Variants in ANKHD1 observed in about 807,000 individuals in gnomAD.
The protein encoded by ANKHD1 is ankyrin repeat and KH domain-containing protein 1.
A neutral mutation model predicts 230.5 loss-of-function variants in ANKHD1; 31 were observed. That is an observed-to-expected ratio of 0.13 (90% CI 0.10 to 0.18). The LOEUF is 0.18. ANKHD1 is among the 10% of genes least tolerant of loss of function. ANKHD1 has a pLI of 1.00. For synonymous variants in ANKHD1, 1,074 were observed against 1,117.6 expected (o/e 0.96, Z 0.78); for missense variants, 2,256 against 3,071.3 (o/e 0.73, Z 6.27).
In ANKHD1 at chr5:140,529,380, C is replaced by T. The variant is rs763227870; in HGVS notation, c.6434C>T (p.Ser2145Phe). 1 of 1,614,202 alleles carries T rather than the reference C, an allele frequency of 6.2e-7. No individual in the cohort carries two copies. ...ATGCAGCCCAGAGGTTCTTTTTACT[C>T]CATGGTACCAAATGCAACTATTCAC... ...HRMQPRGSFY[S>F]MVPNATIHQD... is the part of the protein sequence containing the mutation. Residue 2145 changes from serine (S) to phenylalanine (F), a missense_variant, in exon 29 of 34, where the codon TCC becomes TTC. Ser to Phe is a radical substitution (Grantham distance 155). This residue lies in a region of ANKHD1 where 778 missense variants were observed against 966.5 expected (regional missense o/e 0.80). Coordinates refer to ENST00000360839, the MANE Select transcript of ANKHD1 (RefSeq NM_017747.3).
At chr5:140,520,992 C>G (rs1457913330) in intron 24 of ANKHD1, among the ~76,000 whole-genome samples, 2 of 147,854 alleles carry the variant, frequency 1.4e-5, no homozygotes, top group South Asian at 2.1e-4. Context: ...AAAATTAAAA[C>G]AAACAAACTA....
At chr5:140,419,272 A>G (rs1189645775) in intron 1 of ANKHD1, among the ~76,000 whole-genome samples, 2 of 151,516 alleles carry the variant, frequency 1.3e-5, no homozygotes, top group East Asian at 3.9e-4. Context: ...TATATCTTTG[A>G]AGAAATATCT....
rs558231031 is a variant in ANKHD1 at position 140,539,377 on chromosome 5, G to A, written c.7588G>A (p.Ala2530Thr). 1.2e-6 allele frequency: 2 copies of A among 1,613,778 alleles called. No individual in the cohort carries two copies. Among genetic ancestry groups the A allele is most frequent in the Middle Eastern group, 3.3e-4 (2 of 6,062 alleles). The change falls in exon 34 of 34, where the codon GCA (alanine) becomes ACA (threonine). Residue 2530 changes from alanine to threonine, a missense_variant. Physicochemically the swap from Ala to Thr is moderately conservative, Grantham distance 58. Around this residue, in one of 13 missense-constraint regions of ANKHD1, gnomAD observed 778 missense variants for 966.5 expected, o/e 0.80. Transcript: ENST00000360839. ...DAQQIWPGTW[A>T]PHIGNMHLKY... is the part of the protein sequence containing the mutation. The stretch of plus-strand genomic sequence containing the variant: ...TTTTCAGATTTGGCCTGGCACGTGG[G>A]CACCTCATATTGGAAACATGCATCT...
intron 7 of ANKHD1, among the ~76,000 whole-genome samples, chr5:140,451,733 T>A (rs1164501132): frequency 6.6e-6 from 1 of 152,134 alleles, no homozygotes; most frequent in Non-Finnish European, 1.5e-5. Flanking sequence ...GTCTCAAACA[T>A]CTGGGCTCAA....
chr5:140,412,202 A>C (rs1200252774), intron 1 of ANKHD1, among the ~76,000 whole-genome samples: 2 of 150,954 alleles, frequency 1.3e-5, no homozygotes, highest in African/African-American at 4.9e-5. Flanking sequence ...ATGCCCCGCT[A>C]ATTTGTTGTA....
At chr5:140,512,096 C>G (rs992482666) in intron 22 of ANKHD1, among the ~76,000 whole-genome samples, 2 of 151,948 alleles carry the variant, frequency 1.3e-5, no homozygotes, top group Non-Finnish European at 2.9e-5. Context: ...ATTAGCCAGG[C>G]GTGATGGTAG....
intron 1 of ANKHD1, among the ~76,000 whole-genome samples, chr5:140,412,907 G>A (rs1771055961): frequency 6.6e-6 from 1 of 152,158 alleles, no homozygotes; most frequent in Non-Finnish European, 1.5e-5. Context: ...ATTTGTGGAA[G>A]AGCACATTTT....
chr5:140,403,195 C>T (rs2126828272), intron 1 of ANKHD1, among the ~76,000 whole-genome samples: 1 of 152,004 alleles, frequency 6.6e-6, no homozygotes, highest in African/African-American at 2.4e-5. Context: ...TCTCGAACTC[C>T]TGACCTCAGG....
At chr5:140,420,335 A>G (rs1367504829) in intron 1 of ANKHD1, among the ~76,000 whole-genome samples, 1 of 151,900 alleles carries the variant, frequency 6.6e-6, no homozygotes, top group African/African-American at 2.4e-5. Context: ...AATTTTGATG[A>G]CGCCCAATTT....
intron 1 of ANKHD1, among the ~76,000 whole-genome samples, chr5:140,421,592 T>A (rs1245831944): frequency 3.3e-5 from 5 of 152,272 alleles, no homozygotes; most frequent in Non-Finnish European, 7.4e-5. Flanking sequence ...TGAGCCACCG[T>A]GCCCGGCCGA....
chr5:140,526,083 T>G lies in ANKHD1; in HGVS notation c.4580T>G (p.Val1527Gly). The G allele has an allele frequency of 6.2e-7, 1 of 1,613,538 alleles. No individual in the cohort carries two copies. Among genetic ancestry groups the G allele is most frequent in the Non-Finnish European group, 8.5e-7 (1 of 1,179,892 alleles). The change falls in exon 26 of 34, where the codon GTG becomes GGG. Residue 1527 changes from valine (V) to glycine (G), a missense_variant. Val to Gly is a moderately radical substitution (Grantham distance 109). Coordinates refer to ENST00000360839, the MANE Select transcript of ANKHD1 (RefSeq NM_017747.3). Reference sequence around the variant, plus strand: ...GCAACATCTGCAACATTCACAAATGTGTTTGGGAAAAAAAGGGCCAATGTG... The same window carrying G: ...GCAACATCTGCAACATTCACAAATGGGTTTGGGAAAAAAAGGGCCAATGTG... Reference protein sequence around the residue: ...ISATSATFTNVFGKKRANVVT... With the variant: ...ISATSATFTNGFGKKRANVVT...
chr5:140,482,095 A>G (rs1327591868), intron 10 of ANKHD1, among the ~76,000 whole-genome samples: 1 of 151,984 alleles, frequency 6.6e-6, no homozygotes, highest in Non-Finnish European at 1.5e-5. Flanking sequence ...AAAACTACCC[A>G]TTGGTATATT....
intron 9 of ANKHD1, among the ~76,000 whole-genome samples, chr5:140,460,643 C>T (rs1403462442): frequency 6.6e-6 from 1 of 152,132 alleles, no homozygotes; most frequent in Non-Finnish European, 1.5e-5. Context: ...GCCTCAGCCT[C>T]CCAGGTAGCT....
chr5:140,427,958 A>T (rs1772669010), intron 1 of ANKHD1, among the ~76,000 whole-genome samples: 1 of 141,084 alleles, frequency 7.1e-6, no homozygotes, highest in Admixed American at 7.0e-5. Flanking sequence ...CACTTCTCAG[A>T]CGGGGCGGCC....
chr5:140,444,319 T>C (rs986510665), intron 5 of ANKHD1, among the ~76,000 whole-genome samples: 5 of 152,168 alleles, frequency 3.3e-5, no homozygotes, highest in African/African-American at 4.8e-5. Context: ...CATCATCTTC[T>C]CACCAATAAT....
chr5:140,504,863 A>C lies in ANKHD1; in HGVS notation c.3047A>C (p.Gln1016Pro). 6.2e-7 allele frequency: 1 copy of C among 1,614,124 alleles called. No homozygotes were observed. Among genetic ancestry groups the C allele is most frequent in the Non-Finnish European group, 8.5e-7 (1 of 1,180,016 alleles). ...CCCACTGGTTCCAACAGTTCTTCTC[A>C]GACCACAGAGTGTCTTACACCTGAA... ...RVPTGSNSSS[Q>P]TTECLTPESC... Residue 1016 changes from glutamine (Q) to proline (P), a missense_variant, in exon 16 of 34, where the codon CAG (glutamine) becomes CCG (proline). Transcript: ENST00000360839.
In ANKHD1 at chr5:140,414,219, A is replaced by G. The variant is rs150130130; in HGVS notation, c.306+11946A>G. ...TTTTAGGTATATACCCAGAAATGGA[A>G]TTGCTGGATCATATGGTAATTCTAT... On this transcript the variant is annotated intron_variant, in intron 1 of 33. Transcript: ENST00000360839. Among the ~76,000 whole-genome samples, 393 of 152,302 alleles carry G rather than the reference A, an allele frequency of 2.6e-3. 1 individual carries two copies. Among genetic ancestry groups the G allele is most frequent in the Middle Eastern group, 0.014 (4 of 294 alleles).
At chr5:140,497,875 C>T (rs1333752393) in intron 15 of ANKHD1, among the ~76,000 whole-genome samples, 2 of 113,922 alleles carry the variant, frequency 1.8e-5, no homozygotes, top group African/African-American at 6.8e-5. Context: ...AACCACACCA[C>T]ACCACACACA....
chr5:140,490,879 TC>T (rs1303459940), intron 14 of ANKHD1, among the ~76,000 whole-genome samples: 1 of 151,728 alleles, frequency 6.6e-6, no homozygotes, highest in Non-Finnish European at 1.5e-5. Context: ...CCTTGGGACC[TC>T]AAGTGTAGAG....
Sources: allele counts gnomAD v4.1 joint callset (sites outside exome capture counted in the v4.1 genomes callset), GRCh38; gene constraint gnomAD v4.1.1; regional missense constraint gnomAD v4.1.1; transcripts MANE v1.5; gene names NCBI Gene and HGNC (gene_info 2026-07-23, HGNC 2026-07-21).